ADCY8: variants seen among roughly 807,000 people sequenced by gnomAD.
The protein encoded by ADCY8 is adenylate cyclase 8.
In ADCY8, 51 loss-of-function variants were observed where a neutral mutation model predicts 119.7. The ratio of observed to expected loss-of-function variants is 0.43; its 90% CI spans 0.34 to 0.54. The LOEUF is 0.54. ADCY8 is among the 20% of genes least tolerant of loss of function. The probability of loss-of-function intolerance (pLI) is 0.03; values close to 1 mark genes in which losing one functional copy is unlikely to be tolerated. For synonymous variants in ADCY8, 665 were observed against 651.0 expected, an observed-to-expected ratio of 1.02 and a Z score of -0.33; for missense variants, 1,383 against 1,598.8, an observed-to-expected ratio of 0.87 and a Z score of 2.30.
rs575959528 is a variant in ADCY8, at chr8:130,924,254, C to T, written c.1481+12819G>A. Among the ~76,000 whole-genome samples the T allele has an allele frequency of 2.4e-4, 36 of 152,258 alleles. 1 individual carries two copies. The South Asian group carries it at 5.4e-3, about 23-fold the overall frequency. On this transcript the variant is annotated intron_variant, in intron 5 of 17. Coordinates refer to ENST00000286355, the MANE Select transcript of ADCY8 (RefSeq NM_001115.3). ...ACCTGACAGCCATAACTGAAGCATA[C>T]CCTGAGGGTGACCCTATGGTCTAAG...
chr8:131,006,603 A>C, intron 1 of ADCY8, among the ~76,000 whole-genome samples: 1 of 152,220 alleles, frequency 6.6e-6, no homozygotes, highest in East Asian at 1.9e-4. Context: ...CATATGGAAC[A>C]TGAAATCTTA....
At chr8:130,975,821 A>AAG (rs940247117) in intron 2 of ADCY8, among the ~76,000 whole-genome samples, 4 of 152,236 alleles carry the variant, frequency 2.6e-5, no homozygotes, top group African/African-American at 9.6e-5. Flanking sequence ...TGCTGAAAGA[A>AAG]TTCTAACATT....
At chr8:131,007,353 T>G (rs1419823578) in intron 1 of ADCY8, among the ~76,000 whole-genome samples, 1 of 152,110 alleles carries the variant, frequency 6.6e-6, no homozygotes, top group Non-Finnish European at 1.5e-5. Context: ...TGATCTCAGA[T>G]GGGGACTATT....
At chr8:130,970,434 C>A (rs574611773) in intron 2 of ADCY8, among the ~76,000 whole-genome samples, 2 of 152,340 alleles carry the variant, frequency 1.3e-5, no homozygotes, top group South Asian at 4.1e-4. Context: ...TCATCACCCC[C>A]AAGATGGGAC....
chr8:131,018,647 C>T (rs180977958), intron 1 of ADCY8, among the ~76,000 whole-genome samples: 5 of 152,178 alleles, frequency 3.3e-5, no homozygotes, highest in African/African-American at 9.7e-5. Context: ...TCTGTTTATG[C>T]TCACTCCTAT....
intron 5 of ADCY8, among the ~76,000 whole-genome samples, chr8:130,921,042 A>G (rs1052808456): frequency 9.9e-5 from 15 of 152,254 alleles, no homozygotes; most frequent in Non-Finnish European, 2.1e-4. Context: ...GTTTCTCCAG[A>G]GAACCCTAAC....
intron 2 of ADCY8, among the ~76,000 whole-genome samples, chr8:130,980,740 G>A (rs1457966199): frequency 1.3e-5 from 2 of 152,176 alleles, no homozygotes; most frequent in Admixed American, 6.5e-5. Context: ...TTGCTTTGAC[G>A]GCATAGTTCT....
At chr8:131,001,198 C>T (rs540983195) in intron 1 of ADCY8, among the ~76,000 whole-genome samples, 22 of 152,180 alleles carry the variant, frequency 1.4e-4, no homozygotes, top group Non-Finnish European at 2.8e-4. Flanking sequence ...TGGGCTATTC[C>T]GCCTCAAAGC....
intron 1 of ADCY8, among the ~76,000 whole-genome samples, chr8:131,008,245 G>A (rs1487563874): frequency 2.0e-5 from 3 of 152,136 alleles, no homozygotes; most frequent in African/African-American, 7.2e-5. Context: ...AGCAAGTCAG[G>A]CTTCAGAGAC....
intron 5 of ADCY8, among the ~76,000 whole-genome samples, chr8:130,926,374 A>T (rs1820468076): frequency 6.6e-6 from 1 of 152,080 alleles, no homozygotes; most frequent in African/African-American, 2.4e-5. Context: ...AGTAAAAGGC[A>T]AATGACAGGG....
chr8:131,009,076 T>G (rs1823216175), intron 1 of ADCY8, among the ~76,000 whole-genome samples: 1 of 152,190 alleles, frequency 6.6e-6, no homozygotes, highest in East Asian at 1.9e-4. Context: ...GAAAAATCCA[T>G]TTTCTGGAGA....
chr8:130,800,711 TGTCAACA>T, intron 14 of ADCY8, 139 bp from the exon 15 acceptor site: 1 of 914,684 alleles, frequency 1.1e-6, no homozygotes, highest in Non-Finnish European at 1.7e-6. Context: ...GATATCGTTA[TGTCAACA>T]GTGTGTTTTA....
chr8:130,852,289 T>C (rs1321456346), intron 9 of ADCY8, among the ~76,000 whole-genome samples: 1 of 152,140 alleles, frequency 6.6e-6, no homozygotes, highest in Non-Finnish European at 1.5e-5. Flanking sequence ...AAAGTTTTGA[T>C]TTTATGGATC....
intron 1 of ADCY8, among the ~76,000 whole-genome samples, chr8:131,022,915 A>T (rs1054414530): frequency 1.3e-5 from 2 of 152,196 alleles, no homozygotes; most frequent in Non-Finnish European, 2.9e-5. Flanking sequence ...CTAAATGTAA[A>T]TATACATTTA....
At chr8:130,860,280 T>C (rs1205908389) in intron 9 of ADCY8, among the ~76,000 whole-genome samples, 2 of 152,172 alleles carry the variant, frequency 1.3e-5, no homozygotes, top group African/African-American at 4.8e-5. Context: ...TTTTGGGAGT[T>C]CTTTGAATAT....
Position 130,956,636 on chromosome 8 carries a change from C to T in ADCY8, c.1111-4638G>A, listed in dbSNP as rs117229487. ...TTGTATCCAAGGCCCAGAATAATGC[C>T]TTGTGGTATGGTTTGGCAAATCTCA... is the stretch of plus-strand genomic sequence containing the variant. On this transcript the variant is annotated intron_variant, in intron 2 of 17. Coordinates refer to ENST00000286355, the MANE Select transcript of ADCY8 (RefSeq NM_001115.3). 2.6e-3 allele frequency among the ~76,000 whole-genome samples: 399 copies of T among 152,260 alleles called. 13 individuals carry two copies. In the East Asian group the frequency reaches 0.07, roughly 27 times the overall value.
At chr8:130,967,947 C>T (rs1362784737) in intron 2 of ADCY8, among the ~76,000 whole-genome samples, 2 of 152,112 alleles carry the variant, frequency 1.3e-5, no homozygotes, top group Admixed American at 1.3e-4. Context: ...CTTAACCTCT[C>T]CAAACCTCAT....
intron 4 of ADCY8, among the ~76,000 whole-genome samples, chr8:130,939,879 G>A (rs768819545): frequency 2.6e-5 from 4 of 152,120 alleles, no homozygotes; most frequent in Non-Finnish European, 5.9e-5. Context: ...GTAAAGTCAC[G>A]TCTGTTTTAC....
chr8:131,036,370 ATG>A (rs1375526380), intron 1 of ADCY8, among the ~76,000 whole-genome samples: 5 of 151,832 alleles, frequency 3.3e-5, no homozygotes, highest in African/African-American at 1.2e-4. Flanking sequence ...TATGATGTGT[ATG>A]TGTGTGTGTG....
Sources: allele counts gnomAD v4.1 joint callset (sites outside exome capture counted in the v4.1 genomes callset), GRCh38; gene constraint gnomAD v4.1.1; transcripts MANE v1.5; gene names NCBI Gene and HGNC (gene_info 2026-07-23, HGNC 2026-07-21).